The following ABCC2 variants were observed in gnomAD, a reference collection of about 807,000 sequenced individuals.
The protein encoded by ABCC2 is ATP-binding cassette sub-family C member 2.
ABCC2 carries 157 observed loss-of-function variants against 173.4 expected under a neutral mutation model. The observed-to-expected ratio is 0.91, with a 90% CI of 0.80 to 1.03. The LOEUF (loss-of-function observed/expected upper bound fraction) is 1.03, where lower values mean the gene tolerates loss of function less well. ABCC2 is among the 50% of genes least tolerant of loss of function. The pLI is 0.00. For missense variants in ABCC2, 1,822 were observed against 1,852.3 expected (o/e 0.98, Z 0.30); for synonymous variants, 657 against 693.5 (o/e 0.95, Z 0.83).
At chr10:99,795,791 GAAAGAAAGAA>G (rs1166254873) in intron 6 of ABCC2, among the ~76,000 whole-genome samples, 7,518 of 133,822 alleles carry the variant, frequency 0.056, 411 homozygotes, top group African/African-American at 0.083. Flanking sequence ...AAGAAAGAAA[GAAAGAAAGAA>G]AGATTTCTAA....
chr10:99,846,779 C>G lies in ABCC2; in HGVS notation c.4147-182C>G, dbSNP rs73333909. 0.02 allele frequency among the ~76,000 whole-genome samples: 3,091 copies of G among 152,244 alleles called. 96 individuals carry two copies. The highest frequency in any genetic ancestry group is 0.069 in the African/African-American group (2,876 of 41,530). ...AGGACTTCTAACCCTGTGCCTAGCC[C>G]CTGGCTGGTAGCCACTCCGAGCCTT... On this transcript the variant is annotated intron_variant, in intron 29 of 31. Transcript: ENST00000647814.
At chr10:99,802,849 G>C (rs1288486802) in intron 9 of ABCC2, among the ~76,000 whole-genome samples, 1 of 152,188 alleles carries the variant, frequency 6.6e-6, no homozygotes, top group African/African-American at 2.4e-5. Flanking sequence ...TGTTGTAAGT[G>C]ACAGACCTGT....
chr10:99,790,697 G>A (rs1176431383), intron 2 of ABCC2, among the ~76,000 whole-genome samples: 1 of 152,056 alleles, frequency 6.6e-6, no homozygotes, highest in Non-Finnish European at 1.5e-5. Flanking sequence ...AGTCTCTTGT[G>A]AGGAAAACAC....
chr10:99,836,430 GAAGA>G lies in ABCC2; in HGVS notation c.3614+144_3614+147del, dbSNP rs1265510575. 46 of 941,842 alleles carry G rather than the reference GAAGA, an allele frequency of 4.9e-5. No individual in the cohort carries two copies. In the East Asian group the frequency reaches 1.2e-3, roughly 24 times the overall value. The allele number at this position is 941,842 out of a possible 1,614,324, so 58.3% of individuals were successfully genotyped here. On this transcript the variant is annotated intron_variant, in intron 25 of 31. Transcript: ENST00000647814. ...CACTGTCATGCTATGTAAGTGGAGA[GAAGA>G]AAGCATGAGCTTTGGAGTCAGAGAC...
intron 14 of ABCC2, 123 bp from the exon 15 acceptor site, chr10:99,811,413 G>A (rs1041710417): frequency 2.3e-5 from 22 of 943,954 alleles, no homozygotes; most frequent in Admixed American, 9.1e-5. Context: ...TCCTGTTAGC[G>A]TAGGAGCCAG....
At chr10:99,814,604 T>TGTGTATATACACATATACACACAC (rs1564685525) in intron 16 of ABCC2, among the ~76,000 whole-genome samples, 2 of 102,862 alleles carry the variant, frequency 1.9e-5, no homozygotes, top group Admixed American at 9.3e-5. Flanking sequence ...TACACACACA[T>TGTGTATATACACATATACACACAC]ATGTGTATAT....
chr10:99,800,927 G>A (rs918527916), intron 9 of ABCC2, among the ~76,000 whole-genome samples: 29 of 152,174 alleles, frequency 1.9e-4, no homozygotes, highest in Admixed American at 6.5e-5. Context: ...AGCTGGTGAA[G>A]GGTCAAACTC....
intron 21 of ABCC2, 106 bp downstream of exon 21, chr10:99,830,957 C>G: frequency 7.9e-7 from 1 of 1,271,850 alleles, no homozygotes; most frequent in Non-Finnish European, 1.1e-6. Context: ...AGCAATATGT[C>G]CTCTGTCCTT....
intron 16 of ABCC2, among the ~76,000 whole-genome samples, chr10:99,816,861 C>T (rs923658147): frequency 6.6e-6 from 1 of 152,100 alleles, no homozygotes; most frequent in Non-Finnish European, 1.5e-5. Flanking sequence ...ACAGTTTCAT[C>T]CCGAAACCAT....
At chr10:99,848,879 G>T (rs1295398416) in intron 30 of ABCC2, among the ~76,000 whole-genome samples, 1 of 152,190 alleles carries the variant, frequency 6.6e-6, no homozygotes, top group East Asian at 1.9e-4. Context: ...CAGGACTCAA[G>T]TAGGTCTTTA....
At chr10:99,782,994 A>G in intron 1 of ABCC2, 117 bp downstream of exon 1, 2 of 973,640 alleles carry the variant, frequency 2.1e-6, no homozygotes, top group East Asian at 2.5e-5. Flanking sequence ...CAATTGGTCT[A>G]AAGCTCAGGC....
At chr10:99,813,698 A>G (rs1456380382) in intron 16 of ABCC2, among the ~76,000 whole-genome samples, 1 of 151,800 alleles carries the variant, frequency 6.6e-6, no homozygotes, top group Non-Finnish European at 1.5e-5. Flanking sequence ...TGACAGAGAG[A>G]GACTCTGTCT....
At chr10:99,786,406 G>A (rs763548443) in intron 2 of ABCC2, among the ~76,000 whole-genome samples, 4 of 152,184 alleles carry the variant, frequency 2.6e-5, no homozygotes, top group Non-Finnish European at 4.4e-5. Flanking sequence ...GTCATTGTTC[G>A]AGGTTAGAAG....
intron 23 of ABCC2, among the ~76,000 whole-genome samples, chr10:99,833,680 G>A (rs1414874105): frequency 6.6e-6 from 1 of 152,172 alleles, no homozygotes; most frequent in East Asian, 1.9e-4. Context: ...GTTAGACTCA[G>A]GAGTCATCCA....
chr10:99,816,505 C>T lies in ABCC2; in HGVS notation c.2095-803C>T, dbSNP rs1590169255. 2.0e-5 allele frequency among the ~76,000 whole-genome samples: 3 copies of T among 151,794 alleles called. No individual in the cohort carries two copies. In the South Asian group the frequency reaches 6.2e-4, roughly 32 times the overall value. On this transcript the variant is annotated intron_variant, in intron 16 of 31. Transcript: ENST00000647814. ...TGCCATGTTGGCCAGGTTGGTCACTCCCGATCTCAGGTGATCCGCCCACTT... is the reference window on the plus strand; with the variant it reads ...TGCCATGTTGGCCAGGTTGGTCACTTCCGATCTCAGGTGATCCGCCCACTT...
chr10:99,814,151 ATGTATACACACG>A (rs1564683243), intron 16 of ABCC2, among the ~76,000 whole-genome samples: 1 of 25,012 alleles, frequency 4.0e-5, no homozygotes, highest in African/African-American at 1.6e-4. Context: ...ACACACATGT[ATGTATACACACG>A]TATATATACA....
Position 99,841,987 on chromosome 10 carries a change from A to G in ABCC2, c.3635A>G (p.Glu1212Gly), listed in dbSNP as rs746872922. The part of the protein sequence containing the change: ...TSNRWLAIRL[E>G]LVGNLTVFFS... ...CACAGGTGGCTTGCAATTCGCCTGG[A>G]GCTGGTTGGGAACCTGACTGTCTTC... Residue 1212 changes from glutamate to glycine, a missense_variant, in exon 26 of 32, where the codon GAG (glutamate) becomes GGG (glycine). Glu to Gly is a moderately conservative substitution (Grantham distance 98). Transcript: ENST00000647814. 3 of 1,614,046 alleles carry G rather than the reference A, an allele frequency of 1.9e-6. No homozygotes were observed. The highest frequency in any genetic ancestry group is 1.7e-5 in the Admixed American group (1 of 60,008).
intron 7 of ABCC2, 142 bp from the exon 8 acceptor site, chr10:99,799,065 G>A: frequency 1.2e-6 from 1 of 837,166 alleles, no homozygotes; most frequent in Non-Finnish European, 2.0e-6. Flanking sequence ...GCAGCTAGAA[G>A]GGCAGAAGCA....
chr10:99,801,096 T>C (rs2038008752), intron 9 of ABCC2, among the ~76,000 whole-genome samples: 1 of 152,186 alleles, frequency 6.6e-6, no homozygotes, highest in African/African-American at 2.4e-5. Flanking sequence ...CTAAACCTCC[T>C]CTGTCTGACT....
Sources: allele counts gnomAD v4.1 joint callset (sites outside exome capture counted in the v4.1 genomes callset), GRCh38; gene constraint gnomAD v4.1.1; transcripts MANE v1.5; gene names NCBI Gene and HGNC (gene_info 2026-07-23, HGNC 2026-07-21).